SLC7A11: variants seen among roughly 807,000 people sequenced by gnomAD.
The protein encoded by SLC7A11 is solute carrier family 7 member 11, also known as cystine/glutamate transporter.
SLC7A11 carries 35 observed loss-of-function variants against 54.5 expected under a neutral mutation model. The ratio of observed to expected loss-of-function variants is 0.64; its 90% CI spans 0.49 to 0.85. The LOEUF (loss-of-function observed/expected upper bound fraction) is 0.85, where lower values mean the gene tolerates loss of function less well. Among genes scored for constraint, SLC7A11 ranks in the 40% least tolerant of loss-of-function variants. The probability of loss-of-function intolerance (pLI) is 0.00; values close to 1 mark genes in which losing one functional copy is unlikely to be tolerated. For synonymous variants in SLC7A11, 230 were observed against 225.2 expected (o/e 1.02, Z -0.19); for missense variants, 583 against 618.1 (o/e 0.94, Z 0.60).
chr4:138,241,293 C>T (rs1164946799), intron 1 of SLC7A11, among the ~76,000 whole-genome samples: 2 of 152,186 alleles, frequency 1.3e-5, no homozygotes, highest in Admixed American at 6.5e-5. Flanking sequence ...GTGACAAGCA[C>T]ATGAACTTAA....
intron 6 of SLC7A11, among the ~76,000 whole-genome samples, chr4:138,194,542 T>C (rs905094672): frequency 1.3e-5 from 2 of 152,126 alleles, no homozygotes; most frequent in South Asian, 4.1e-4. Flanking sequence ...CATACAATTG[T>C]CCATCTCTTA....
At chr4:138,178,822 C>T (rs1172468740) in intron 11 of SLC7A11, among the ~76,000 whole-genome samples, 1 of 152,068 alleles carries the variant, frequency 6.6e-6, no homozygotes, top group Non-Finnish European at 1.5e-5. Context: ...AGGCCACTGC[C>T]TAACTCCCCA....
intron 6 of SLC7A11, among the ~76,000 whole-genome samples, chr4:138,198,625 A>G (rs4604102): frequency 0.41 from 62,923 of 152,032 alleles, 13,921 homozygotes; most frequent in Middle Eastern, 0.6. Flanking sequence ...AAGCAACTTG[A>G]TAATAGACAG....
chr4:138,230,413 T>TAAA (rs5862372), intron 3 of SLC7A11, among the ~76,000 whole-genome samples: 1 of 141,424 alleles, frequency 7.1e-6, no homozygotes, highest in Non-Finnish European at 1.5e-5. Context: ...AAATGAAAGC[T>TAAA]AAAAAAAAAA....
chr4:138,173,823 G>A (rs933178423), intron 11 of SLC7A11, among the ~76,000 whole-genome samples: 4 of 151,906 alleles, frequency 2.6e-5, no homozygotes, highest in Non-Finnish European at 5.9e-5. Flanking sequence ...TGAGATGTAA[G>A]TGCAGCATAA....
At chr4:138,176,914 A>C (rs1308882353) in intron 11 of SLC7A11, 1 of 152,154 alleles carries the variant, frequency 6.6e-6, no homozygotes, top group Non-Finnish European at 1.5e-5. Context: ...AGAACACAGA[A>C]AACTTAAAAA....
At chr4:138,192,923 A>G (rs1392541001) in intron 6 of SLC7A11, among the ~76,000 whole-genome samples, 1 of 152,166 alleles carries the variant, frequency 6.6e-6, no homozygotes, top group Non-Finnish European at 1.5e-5. Context: ...TAAGACAAGC[A>G]ACGTTAAGTA....
intron 6 of SLC7A11, among the ~76,000 whole-genome samples, chr4:138,211,180 G>A (rs2092921708): frequency 6.6e-6 from 1 of 151,778 alleles, no homozygotes; most frequent in African/African-American, 2.4e-5. Flanking sequence ...ATAATTGGGA[G>A]GTAAACATTG....
chr4:138,208,868 C>G (rs1444844821), intron 6 of SLC7A11, among the ~76,000 whole-genome samples: 1 of 152,026 alleles, frequency 6.6e-6, no homozygotes, highest in Non-Finnish European at 1.5e-5. Flanking sequence ...CAAAGCTATT[C>G]TTGGAGAAGA....
chr4:138,189,784 C>T (rs1425494301), intron 6 of SLC7A11, among the ~76,000 whole-genome samples: 1 of 152,030 alleles, frequency 6.6e-6, no homozygotes. Context: ...TCAGAAATGA[C>T]TATTGTTTCC....
chr4:138,232,352 T>G lies in SLC7A11; in HGVS notation c.435A>C (p.Ala145=), dbSNP rs147680354. Residue 145 remains alanine (A), a synonymous_variant, in exon 3 of 12, where the codon GCA becomes GCC. Transcript: ENST00000280612. ...ATGGTTCCAGAATGTAGCGTCCAAATGCCAGGGATATCACAGCAGTAGCTG... is the reference window on the plus strand; with the variant it reads ...ATGGTTCCAGAATGTAGCGTCCAAAGGCCAGGGATATCACAGCAGTAGCTG... ...RPAATAVISL[A]FGRYILEPFF... The G allele has an allele frequency of 6.1e-4, 992 of 1,613,012 alleles. 9 individuals carry two copies. The African/African-American group carries it at 0.012, about 19-fold the overall frequency.
At chr4:138,187,897 C>T (rs1736915864) in intron 6 of SLC7A11, among the ~76,000 whole-genome samples, 1 of 151,906 alleles carries the variant, frequency 6.6e-6, no homozygotes, top group African/African-American at 2.4e-5. Flanking sequence ...GGTAACCATG[C>T]CTCAGATAAA....
chr4:138,221,342 C>T lies in SLC7A11; in HGVS notation c.646+1857G>A, dbSNP rs570577948. On this transcript the variant is annotated intron_variant, in intron 4 of 11. Coordinates refer to ENST00000280612, the MANE Select transcript of SLC7A11 (RefSeq NM_014331.4). ...CTCTCATAAGTGAATACATAACATA[C>T]AACTACTTTCAGGATATGATTAGAA... Among the ~76,000 whole-genome samples the T allele has an allele frequency of 1.3e-3, 198 of 152,260 alleles. 1 individual carries two copies. The highest frequency in any genetic ancestry group is 2.2e-3 in the Non-Finnish European group (151 of 67,984).
intron 6 of SLC7A11, among the ~76,000 whole-genome samples, chr4:138,197,219 T>A (rs1560725419): frequency 1.3e-5 from 2 of 152,140 alleles, no homozygotes; most frequent in African/African-American, 4.8e-5. Flanking sequence ...TATTCATGTT[T>A]AATCTAAGGC....
intron 6 of SLC7A11, among the ~76,000 whole-genome samples, chr4:138,209,041 T>C (rs988008850): frequency 6.6e-6 from 1 of 152,012 alleles, no homozygotes; most frequent in African/African-American, 2.4e-5. Context: ...CTTGGAGTAA[T>C]GGTAGATAAT....
chr4:138,182,520 C>T, intron 8 of SLC7A11, 127 bp from the exon 9 acceptor site: 1 of 606,790 alleles, frequency 1.6e-6, no homozygotes, highest in East Asian at 2.8e-5. Context: ...AGGTGATTGC[C>T]TAAGTTCACT....
chr4:138,230,434 T>G (rs897544568), intron 3 of SLC7A11, among the ~76,000 whole-genome samples: 1 of 144,384 alleles, frequency 6.9e-6, no homozygotes, highest in African/African-American at 2.5e-5. Context: ...AAAGAAAAAA[T>G]AATGAAAAAG....
At position 138,165,229 on chromosome 4, in the gene SLC7A11, A is replaced by T. The variant is rs1578618616; in HGVS notation, c.*6727T>A. ...TGCTTACAATAAAAAGACATAAAAG[A>T]TTCATCCTGAGATGAATTCTGAGTC... On this transcript the variant is annotated 3_prime_UTR_variant, in exon 12 of 12. Transcript: ENST00000280612. 2 of 152,598 alleles carry T rather than the reference A, an allele frequency of 1.3e-5. No homozygotes were observed. The highest frequency in any genetic ancestry group is 2.9e-5 in the Non-Finnish European group (2 of 68,012). 9.5% of individuals were successfully genotyped at this position (152,598 alleles called of 1,614,324 possible). A position where few individuals can be genotyped will look rare whatever the true frequency, so the allele number is the denominator to read the frequency against.
Position 138,214,603 on chromosome 4 carries a change from T to C in SLC7A11, c.773A>G (p.Glu258Gly). The change falls in exon 6 of 12, where the codon GAA (glutamate) becomes GGA (glycine). Residue 258 changes from glutamate (E) to glycine (G), a missense_variant. Physicochemically the swap from Glu to Gly is moderately conservative, Grantham distance 98 (BLOSUM62 -2). Coordinates refer to ENST00000280612, the MANE Select transcript of SLC7A11 (RefSeq NM_014331.4). ...TACTTACTTTTCAGGGTTTTCTACT[T>C]CTTCAGTAACAAAGTTGAGGTAAAA... ...GWFYLNFVTE[E>G]VENPEKTIPL... 2 of 1,440,216 alleles carry C rather than the reference T, an allele frequency of 1.4e-6. No homozygotes were observed. Among genetic ancestry groups the C allele is most frequent in the Non-Finnish European group, 1.9e-6 (2 of 1,059,496 alleles). 89.2% of individuals were successfully genotyped at this position (1,440,216 alleles called of 1,614,324 possible).
Sources: allele counts gnomAD v4.1 joint callset (sites outside exome capture counted in the v4.1 genomes callset), GRCh38; gene constraint gnomAD v4.1.1; transcripts MANE v1.5; gene names NCBI Gene and HGNC (gene_info 2026-07-23, HGNC 2026-07-21).